The following MYO1C variants were observed in gnomAD, a reference collection of about 807,000 sequenced individuals.
MYO1C encodes unconventional myosin-Ic.
Under a neutral mutation model 150.8 loss-of-function variants are expected in MYO1C, and 104 were observed. The ratio of observed to expected loss-of-function variants is 0.69; its 90% confidence interval spans 0.59 to 0.81. MYO1C has a LOEUF of 0.81. Among genes scored for constraint, MYO1C ranks in the 30% least tolerant of loss-of-function variants. The probability of loss-of-function intolerance (pLI) is 0.00; values close to 1 mark genes in which losing one functional copy is unlikely to be tolerated. For missense variants in MYO1C, 1,504 were observed against 1,435.0 expected (o/e 1.05, Z -0.78); for synonymous variants, 663 against 579.9 (o/e 1.14, Z -2.06).
chr17:1,466,153 C>CTTTTTTTTTT (rs71148490), intron 31 of MYO1C, among the ~76,000 whole-genome samples: 1 of 91,606 alleles, frequency 1.1e-5, no homozygotes, highest in African/African-American at 5.3e-5. Flanking sequence ...GCCGTGCTGC[C>CTTTTTTTTTT]TTTTTTTTTT....
At position 1,480,580 on chromosome 17, in the gene MYO1C, T is replaced by C; in HGVS notation, c.853A>G (p.Lys285Glu). 1 of 1,614,064 alleles carries C rather than the reference T, an allele frequency of 6.2e-7. No individual in the cohort carries two copies. The highest frequency in any genetic ancestry group is 1.3e-5 in the African/African-American group (1 of 74,982). ...ACTGTCAGAGCCTTCCTGACGACCT[T>C]CCAGTCACTCTTGTCGTTGATGGAG... ...VSSINDKSDW[K>E]VVRKALTVID... Residue 285 changes from lysine (K) to glutamate (E), a missense_variant, in exon 7 of 32, where the codon AAG (lysine) becomes GAG (glutamate). Physicochemically the swap from Lys to Glu is moderately conservative, Grantham distance 56 (BLOSUM62 1). Transcript: ENST00000648651.
At chr17:1,487,945 C>G (rs1258963913) in intron 1 of MYO1C, among the ~76,000 whole-genome samples, 3 of 152,122 alleles carry the variant, frequency 2.0e-5, no homozygotes, top group Non-Finnish European at 4.4e-5. Context: ...CAAGGAAAAT[C>G]TAGAGGGAGC....
At position 1,472,115 on chromosome 17, in the gene MYO1C, G is replaced by A. The variant is rs776075733; in HGVS notation, c.1903+8C>T. On this transcript the variant is annotated splice_region_variant and intron_variant, in intron 18 of 31. Transcript: ENST00000648651. The stretch of plus-strand genomic sequence containing the variant: ...CCGGCCCCGAAGTCCCCCGTGGGAG[G>A]GGCCTACCGGGCTGTTTGGCATCAT... 1 of 1,613,950 alleles carries A rather than the reference G, an allele frequency of 6.2e-7. No homozygotes were observed. The highest frequency in any genetic ancestry group is 8.5e-7 in the Non-Finnish European group (1 of 1,179,872).
At position 1,478,634 on chromosome 17, in the gene MYO1C, G is replaced by C. The variant is rs934441488; in HGVS notation, c.1194C>G (p.Asn398Lys). 5.6e-6 allele frequency: 9 copies of C among 1,614,150 alleles called. No homozygotes were observed. The highest frequency in any genetic ancestry group is 6.8e-6 in the Non-Finnish European group (8 of 1,180,038). ...CCCTCACCTTGGAGGCCAGCGACCT[G>C]TTGATCTTCCCGACGAGCCAGGTAA... ...RTFTWLVGKI[N>K]RSLASKDVES... Residue 398 changes from asparagine (N) to lysine (K), a missense_variant, in exon 10 of 32, where the codon AAC (asparagine) becomes AAG (lysine). By Grantham distance (94) the Asn-to-Lys change is moderately conservative (BLOSUM62 0). Transcript: ENST00000648651. The surrounding 1 kb of genome is among the most constrained non-coding windows in gnomAD (Gnocchi z 6.3).
At chr17:1,477,623 A>G (rs532718434) in intron 13 of MYO1C, 27 bp from the exon 14 acceptor site, 127 of 1,563,744 alleles carry the variant, frequency 8.1e-5, no homozygotes, top group Non-Finnish European at 1.1e-4. Context: ...AGGGGGAAGG[A>G]CGTATGGGGG....
intron 17 of MYO1C, among the ~76,000 whole-genome samples, chr17:1,473,672 G>A (rs1036024752): frequency 5.9e-5 from 9 of 152,136 alleles, no homozygotes; most frequent in Non-Finnish European, 1.5e-5. Flanking sequence ...CCCTGCATCT[G>A]GCACCCTGGC....
chr17:1,492,666 C>T lies in MYO1C; in HGVS notation c.-179G>A, dbSNP rs2074749387. ...GTGGCTGGTCCAGCTCCTCAGGACA[C>T]GGCTGGAGCCGTCCAGGTCTGACTG... On this transcript the variant is annotated 5_prime_UTR_variant, in exon 1 of 32. In the 5' UTR this introduces an upstream ATG that the reference lacks. Coordinates refer to ENST00000648651, the MANE Select transcript of MYO1C (RefSeq NM_001080779.2). 1 of 651,342 alleles carries T rather than the reference C, an allele frequency of 1.5e-6. No individual in the cohort carries two copies. Among genetic ancestry groups the T allele is most frequent in the Admixed American group, 2.2e-5 (1 of 45,788 alleles). 40.3% of individuals were successfully genotyped at this position (651,342 alleles called of 1,614,324 possible).
rs9903846 is a variant in MYO1C, at chr17:1,474,875, G to C, written c.1670-17C>G. The C allele has an allele frequency of 2.5e-6, 4 of 1,613,656 alleles. No individual in the cohort carries two copies. Among genetic ancestry groups the C allele is most frequent in the Non-Finnish European group, 3.4e-6 (4 of 1,179,820 alleles). ...CCAGAAACCCTGGGAGGGGAGAACC[G>C]ACGTGAGGTGAGACAGAGCCTCCCC... On this transcript the variant is annotated splice_polypyrimidine_tract_variant and intron_variant, in intron 15 of 31. Coordinates refer to ENST00000648651, the MANE Select transcript of MYO1C (RefSeq NM_001080779.2).
In MYO1C at chr17:1,478,229, G is replaced by A. The variant is rs1465898004; in HGVS notation, c.1296-37C>T. On this transcript the variant is annotated intron_variant, in intron 11 of 31. Coordinates refer to ENST00000648651, the MANE Select transcript of MYO1C (RefSeq NM_001080779.2). The surrounding 1 kb of genome is among the most constrained non-coding windows in gnomAD (Gnocchi z 6.3). ...GAGAAGAGCCCACAGTGGCTCAGTGGGGACACAGGACCAGGAGAGGGGAAA... is the reference window on the plus strand; with the variant it reads ...GAGAAGAGCCCACAGTGGCTCAGTGAGGACACAGGACCAGGAGAGGGGAAA... 8.1e-6 allele frequency: 13 copies of A among 1,596,590 alleles called. No homozygotes were observed. Among genetic ancestry groups the A allele is most frequent in the Middle Eastern group, 1.7e-4 (1 of 6,012 alleles).
chr17:1,474,513 C>A (rs919362796), intron 17 of MYO1C, 97 bp downstream of exon 17: 4 of 1,260,182 alleles, frequency 3.2e-6, no homozygotes, highest in African/African-American at 2.9e-5. Flanking sequence ...CGGGCTCACA[C>A]GCGTTCACAC....
rs2150952370 is a variant in MYO1C at position 1,478,674 on chromosome 17, A to G, written c.1154T>C (p.Val385Ala). 1 of 1,614,170 alleles carries G rather than the reference A, an allele frequency of 6.2e-7. No individual in the cohort carries two copies. Among genetic ancestry groups the G allele is most frequent in the African/African-American group, 1.3e-5 (1 of 75,052 alleles). ...GAGCCAGGTAAAAGTGCGGCTGTACACAGCCTTGGCGAGGGCGTCTCGTGC... is the reference window on the plus strand; with the variant it reads ...GAGCCAGGTAAAAGTGCGGCTGTACGCAGCCTTGGCGAGGGCGTCTCGTGC... ...AYARDALAKA[V>A]YSRTFTWLVG... The change falls in exon 10 of 32, where the codon GTG becomes GCG. Residue 385 changes from valine to alanine, a missense_variant. By Grantham distance (64) the Val-to-Ala change is moderately conservative. Transcript: ENST00000648651. The surrounding 1 kb of genome is among the most constrained non-coding windows in gnomAD (Gnocchi z 6.3).
chr17:1,478,276 A>G lies in MYO1C; in HGVS notation c.1296-84T>C. 6.4e-7 allele frequency: 1 copy of G among 1,554,392 alleles called. No homozygotes were observed. Among genetic ancestry groups the G allele is most frequent in the Non-Finnish European group, 8.9e-7 (1 of 1,126,786 alleles). ...GAAAAGCTGGACGACGCCCCTGAGCACAGGAGGTGAGAAACACAGAGACAG... is the reference window on the plus strand; with the variant it reads ...GAAAAGCTGGACGACGCCCCTGAGCGCAGGAGGTGAGAAACACAGAGACAG... On this transcript the variant is annotated intron_variant, in intron 11 of 31. Coordinates refer to ENST00000648651, the MANE Select transcript of MYO1C (RefSeq NM_001080779.2). This position sits in a 1 kb window ranked among gnomAD's most constrained non-coding sequence, Gnocchi z 6.3.
intron 1 of MYO1C, among the ~76,000 whole-genome samples, chr17:1,490,515 CAACAAAAACA>C (rs2074717600): frequency 6.6e-6 from 1 of 151,892 alleles, no homozygotes; most frequent in African/African-American, 2.4e-5. Context: ...AACAAAACAA[CAACAAAAACA>C]AACAAAAACC....
rs955350929 is a variant in MYO1C, at chr17:1,470,634, C to G, written c.2268G>C (p.Arg756=). 1.2e-6 allele frequency: 2 copies of G among 1,611,786 alleles called. No homozygotes were observed. The highest frequency in any genetic ancestry group is 1.3e-5 in the African/African-American group (1 of 74,904). ...RGFHWRQKFL[R]VKRSAICIQS... ...GGGCCCGCGAACCTGATCTCTTCAC[C>G]CGGAGGAATTTCTGCCGCCAGTGAA... Residue 756 remains arginine (R), a synonymous_variant, in exon 22 of 32, where the codon CGG becomes CGC. Transcript: ENST00000648651.
At position 1,468,512 on chromosome 17, in the gene MYO1C, G is replaced by T; in HGVS notation, c.2611-16C>A. ...TCTGCTGCAGCTGAGGAGACAAGGG[G>T]GGTGAGGAGAGTGTCATGGTGGGGA... On this transcript the variant is annotated splice_polypyrimidine_tract_variant and intron_variant, in intron 25 of 31. Transcript: ENST00000648651. The T allele has an allele frequency of 1.2e-6, 2 of 1,606,570 alleles. No homozygotes were observed. The highest frequency in any genetic ancestry group is 1.1e-5 in the South Asian group (1 of 90,942).
intron 1 of MYO1C, chr17:1,484,872 T>TTCCCCCCCCCCCCCCCCCCC: frequency 2.9e-6 from 1 of 341,198 alleles, no homozygotes; most frequent in South Asian, 2.2e-5. Context: ...GGGCCGTCTC[T>TTCCCCCCCCCCCCCCCCCCC]CCCACCCAGA....
intron 1 of MYO1C, chr17:1,490,993 G>T (rs1567539294): frequency 6.6e-6 from 1 of 152,416 alleles, no homozygotes. Flanking sequence ...CAAACACGCA[G>T]CGCCTCCTTA....
At position 1,482,466 on chromosome 17, in the gene MYO1C, C is replaced by T. The variant is rs373940981; in HGVS notation, c.627+12G>A. The T allele has an allele frequency of 4.6e-5, 74 of 1,612,216 alleles. No homozygotes were observed. Among genetic ancestry groups the T allele is most frequent in the Non-Finnish European group, 5.7e-5 (67 of 1,178,390 alleles). On this transcript the variant is annotated intron_variant, in intron 5 of 31. Coordinates refer to ENST00000648651, the MANE Select transcript of MYO1C (RefSeq NM_001080779.2). ...TGAATGGGAATCCTCACGACACACA[C>T]ATCCATGGTACCTTGAAGTCAAACT...
In MYO1C at chr17:1,479,173, T is replaced by G. The variant is rs374112761; in HGVS notation, c.1092+258A>C. On this transcript the variant is annotated intron_variant, in intron 9 of 31. Coordinates refer to ENST00000648651, the MANE Select transcript of MYO1C (RefSeq NM_001080779.2). This position sits in a 1 kb window ranked among gnomAD's most constrained non-coding sequence, Gnocchi z 4.2. The stretch of plus-strand genomic sequence containing the variant: ...CCATGCCCGGCTAATTTTTGTATTC[T>G]TAGTAGATGGGGTTTCACCATGTTG... Among the ~76,000 whole-genome samples the G allele has an allele frequency of 1.1e-4, 16 of 152,246 alleles. No homozygotes were observed. The highest frequency in any genetic ancestry group is 3.9e-4 in the Admixed American group (6 of 15,286).
Sources: gnomAD v4.1 joint callset for allele counts (sites outside exome capture counted in the v4.1 genomes callset) on GRCh38, gnomAD v4.1.1 for gene constraint, Gnocchi (gnomAD v3.1) non-coding constraint, MANE v1.5 for transcripts, NCBI Gene and HGNC (gene_info 2026-07-23, HGNC 2026-07-21) for gene names.